Variants in BEGAIN observed in about 807,000 individuals in gnomAD.
BEGAIN encodes the protein brain-enriched guanylate kinase-associated protein.
BEGAIN carries 19 observed loss-of-function variants against 35.8 expected under a neutral mutation model. The observed-to-expected ratio is 0.53, with a 90% CI of 0.37 to 0.78. BEGAIN has a LOEUF of 0.78. Among genes scored for constraint, BEGAIN ranks in the 30% least tolerant of loss-of-function variants. The pLI is 0.00. For missense variants in BEGAIN, 795 were observed against 853.6 expected, an observed-to-expected ratio of 0.93 and a Z score of 0.85; for synonymous variants, 462 against 388.6, an observed-to-expected ratio of 1.19 and a Z score of -2.22.
chr14:100,567,020 C>T lies in BEGAIN; in HGVS notation c.71+891G>A, dbSNP rs1032553981. Among the ~76,000 whole-genome samples, 5 of 152,198 alleles carry T rather than the reference C, an allele frequency of 3.3e-5. No homozygotes were observed. Among genetic ancestry groups the T allele is most frequent in the Non-Finnish European group, 7.4e-5 (5 of 68,026 alleles). On this transcript the variant is annotated intron_variant, in intron 2 of 6. Transcript: ENST00000554140. The surrounding 1 kb of genome is among the most constrained non-coding windows in gnomAD (Gnocchi z 5.1). ...TGCTCCTTGGGGGAGGGATGCTCCT[C>T]TACCCGGCCTCCTCCCCAGGATGCC...
chr14:100,546,490 C>CCGCCCCTCACCTG lies in BEGAIN; in HGVS notation c.231_233+10dup. On this transcript the variant is annotated intron_variant, in intron 3 of 6. Transcript: ENST00000554140. ...CCCTCGCCCCGCCCCGGCCCTCGCC[C>CCGCCCCTCACCTG]CGCCCCTCACCTGCGCAGCTTCTCC... 1 of 1,446,444 alleles carries CCGCCCCTCACCTG rather than the reference C, an allele frequency of 6.9e-7. No individual in the cohort carries two copies. Among genetic ancestry groups the CCGCCCCTCACCTG allele is most frequent in the Non-Finnish European group, 9.2e-7 (1 of 1,089,788 alleles). The allele number at this position is 1,446,444 out of a possible 1,614,324, so 89.6% of individuals were successfully genotyped here.
intron 2 of BEGAIN, among the ~76,000 whole-genome samples, chr14:100,555,205 G>T (rs531244358): frequency 2.9e-4 from 44 of 152,368 alleles, no homozygotes; most frequent in Admixed American, 2.7e-3. Context: ...GCCGTCTGGG[G>T]TCTCCCTGCA....
Position 100,546,284 on chromosome 14 carries a change from G to C in BEGAIN, c.233+217C>G, listed in dbSNP as rs1283972459. 2 of 302,000 alleles carry C rather than the reference G, an allele frequency of 6.6e-6. 1 individual carries two copies. Among genetic ancestry groups the C allele is most frequent in the East Asian group, 1.0e-4 (2 of 19,662 alleles). 18.7% of individuals were successfully genotyped at this position (302,000 alleles called of 1,614,324 possible). On this transcript the variant is annotated intron_variant, in intron 3 of 6. Transcript: ENST00000554140. ...ACTCCCCATCTGAGTGGAGTCAACA[G>C]CCAGGGTGAGAGGGGAGCACCGCGT...
At chr14:100,551,746 G>A (rs1344294885) in intron 2 of BEGAIN, among the ~76,000 whole-genome samples, 2 of 152,170 alleles carry the variant, frequency 1.3e-5, no homozygotes, top group African/African-American at 4.8e-5. Flanking sequence ...GGGTCAGGCC[G>A]AGGGGGCAGC....
rs138321912 is a variant in BEGAIN, at chr14:100,564,279, C to T, written c.71+3632G>A. ...ATGTCTCTGCAGGCCTATCACAGTTCACGACTTTGAAAAATTCTATTTTGG... is the reference window on the plus strand; with the variant it reads ...ATGTCTCTGCAGGCCTATCACAGTTTACGACTTTGAAAAATTCTATTTTGG... On this transcript the variant is annotated intron_variant, in intron 2 of 6. Transcript: ENST00000554140. Among the ~76,000 whole-genome samples the T allele has an allele frequency of 1.4e-3, 209 of 152,106 alleles. 1 individual carries two copies. Among genetic ancestry groups the T allele is most frequent in the African/African-American group, 4.8e-3 (200 of 41,484 alleles).
chr14:100,582,575 G>A (rs2035343830), intron 1 of BEGAIN, among the ~76,000 whole-genome samples: 1 of 152,200 alleles, frequency 6.6e-6, no homozygotes, highest in South Asian at 2.1e-4. Context: ...TCCAAGGGCA[G>A]CCATGGTCTT....
intron 2 of BEGAIN, among the ~76,000 whole-genome samples, chr14:100,554,432 C>G (rs2033507204): frequency 6.6e-6 from 1 of 152,160 alleles, no homozygotes; most frequent in Admixed American, 6.5e-5. Context: ...GTGTCATGCT[C>G]CGGCAACACT....
chr14:100,556,967 G>C (rs1281143657), intron 2 of BEGAIN, among the ~76,000 whole-genome samples: 1 of 152,212 alleles, frequency 6.6e-6, no homozygotes, highest in South Asian at 2.1e-4. Flanking sequence ...TGTAGAGGAA[G>C]AGCCCAGGCC....
intron 4 of BEGAIN, 66 bp from the exon 5 acceptor site, chr14:100,544,031 G>T: frequency 8.5e-7 from 1 of 1,176,392 alleles, no homozygotes; most frequent in Non-Finnish European, 1.2e-6. Context: ...CCAGTCGCTC[G>T]ATTGCACCCC....
intron 3 of BEGAIN, 177 bp downstream of exon 3, chr14:100,546,324 C>G (rs1269663335): frequency 2.0e-6 from 1 of 506,978 alleles, no homozygotes; most frequent in African/African-American, 1.9e-5. Context: ...CTTTCCGGGC[C>G]TCGGGCCCTG....
At chr14:100,577,725 C>T (rs1341768358) in intron 1 of BEGAIN, 3 of 398,994 alleles carry the variant, frequency 7.5e-6, no homozygotes, top group East Asian at 3.6e-5. Context: ...GCTGGGCTGG[C>T]GACACCCGGG....
intron 2 of BEGAIN, among the ~76,000 whole-genome samples, chr14:100,566,367 G>A (rs1156701656): frequency 6.6e-6 from 1 of 152,240 alleles, no homozygotes; most frequent in African/African-American, 2.4e-5. Flanking sequence ...CTGGCACACA[G>A]GAATAGGTGC....
chr14:100,573,881 G>A lies in BEGAIN; in HGVS notation c.43-5942C>T, dbSNP rs1319564404. Among the ~76,000 whole-genome samples the A allele has an allele frequency of 1.3e-5, 2 of 151,906 alleles. No individual in the cohort carries two copies. The highest frequency in any genetic ancestry group is 2.0e-4 in the East Asian group (1 of 5,126). On this transcript the variant is annotated intron_variant, in intron 1 of 6. Transcript: ENST00000554140. This position sits in a 1 kb window ranked among gnomAD's most constrained non-coding sequence, Gnocchi z 4.2. The stretch of plus-strand genomic sequence containing the variant: ...GGCGACAGGGGCTGGGACAGAGCCC[G>A]GGACTCTGCCACTGTTGGGGATCAG...
At chr14:100,571,364 C>G (rs543462052) in intron 1 of BEGAIN, among the ~76,000 whole-genome samples, 5 of 152,244 alleles carry the variant, frequency 3.3e-5, no homozygotes, top group African/African-American at 1.2e-4. Context: ...CTGCCTCCCT[C>G]CCACCTACTA....
intron 3 of BEGAIN, chr14:100,545,286 C>T (rs2032220604): frequency 7.2e-7 from 1 of 1,386,552 alleles, no homozygotes; most frequent in Non-Finnish European, 9.3e-7. Context: ...GGGCCCAGGA[C>T]TGTATTTCCC....
In BEGAIN at chr14:100,537,761, C is replaced by T. The variant is rs1056724411; in HGVS notation, c.*208G>A. 15 of 655,384 alleles carry T rather than the reference C, an allele frequency of 2.3e-5. No homozygotes were observed. In the African/African-American group the frequency reaches 2.7e-4, roughly 12 times the overall value. 40.6% of individuals were successfully genotyped at this position (655,384 alleles called of 1,614,324 possible). Reference sequence around the variant, plus strand: ...GAAAAACGCTCTAAGTGGAGTTCCACGGGCCGGGGCCGGGTGGACACCGTG... The same window carrying T: ...GAAAAACGCTCTAAGTGGAGTTCCATGGGCCGGGGCCGGGTGGACACCGTG... On this transcript the variant is annotated 3_prime_UTR_variant, in exon 7 of 7. Coordinates refer to ENST00000554140, the MANE Select transcript of BEGAIN (RefSeq NM_001385089.1).
In BEGAIN at chr14:100,537,754, A is replaced by G. The variant is rs1206946905; in HGVS notation, c.*215T>C. On this transcript the variant is annotated 3_prime_UTR_variant, in exon 7 of 7. Coordinates refer to ENST00000554140, the MANE Select transcript of BEGAIN (RefSeq NM_001385089.1). Reference sequence around the variant, plus strand: ...GACGCGTGAAAAACGCTCTAAGTGGAGTTCCACGGGCCGGGGCCGGGTGGA... The same window carrying G: ...GACGCGTGAAAAACGCTCTAAGTGGGGTTCCACGGGCCGGGGCCGGGTGGA... The G allele has an allele frequency of 1.7e-6, 1 of 596,154 alleles. No individual in the cohort carries two copies. The highest frequency in any genetic ancestry group is 2.7e-6 in the Non-Finnish European group (1 of 370,988). The allele number at this position is 596,154 out of a possible 1,614,324, so 36.9% of individuals were successfully genotyped here.
At chr14:100,565,086 T>C (rs1176129772) in intron 2 of BEGAIN, among the ~76,000 whole-genome samples, 2 of 152,244 alleles carry the variant, frequency 1.3e-5, no homozygotes, top group Admixed American at 1.3e-4. Flanking sequence ...TTCTGTCCGC[T>C]GGCCTAGGAG....
intron 2 of BEGAIN, among the ~76,000 whole-genome samples, chr14:100,554,644 C>T (rs2033526556): frequency 6.6e-6 from 1 of 151,688 alleles, no homozygotes; most frequent in African/African-American, 2.4e-5. Flanking sequence ...TCACTCCCCA[C>T]CAGCCCACTC....
Sources: gnomAD v4.1 joint callset for allele counts (sites outside exome capture counted in the v4.1 genomes callset) on GRCh38, gnomAD v4.1.1 for gene constraint, Gnocchi (gnomAD v3.1) non-coding constraint, MANE v1.5 for transcripts, NCBI Gene and HGNC (gene_info 2026-07-23, HGNC 2026-07-21) for gene names.